NPHP1: variants seen among roughly 807,000 people sequenced by gnomAD.
NPHP1 encodes the protein nephrocystin-1.
Under a neutral mutation model 90.4 loss-of-function variants are expected in NPHP1, and 70 were observed. The observed-to-expected ratio is 0.77, with a 90% CI of 0.64 to 0.95. The LOEUF is 0.95. NPHP1 is among the 40% of genes least tolerant of loss of function. The pLI is 0.00. For synonymous variants in NPHP1, 256 were observed against 271.7 expected, an observed-to-expected ratio of 0.94 and a Z score of 0.57; for missense variants, 764 against 795.9, an observed-to-expected ratio of 0.96 and a Z score of 0.48.
rs1682881064 is a variant in NPHP1 at position 110,168,534 on chromosome 2, A to G, written c.542T>C (p.Val181Ala). ...LTFKKGEILLVIEKKPDGWWI... is the reference protein window; with the variant it reads ...LTFKKGEILLAIEKKPDGWWI... ...CCAACCATCAGGTTTTTTTTCAATT[A>G]CAAGGAGAATTTCCCCTTTCTTAAA... The change falls in exon 6 of 20, where the codon GTA becomes GCA. Residue 181 changes from valine to alanine, a missense_variant. Transcript: ENST00000445609. The G allele has an allele frequency of 6.2e-7, 1 of 1,611,438 alleles. No homozygotes were observed. Among genetic ancestry groups the G allele is most frequent in the Admixed American group, 1.7e-5 (1 of 59,982 alleles).
chr2:110,204,890 C>T lies in NPHP1; in HGVS notation c.69+10G>A. The stretch of plus-strand genomic sequence containing the variant: ...CCCGCCCCAGGGCCCTCTGCACAGC[C>T]TGACCATACCTGTTGCTTCAGCTCC... On this transcript the variant is annotated intron_variant, in intron 1 of 19. Transcript: ENST00000445609. The T allele has an allele frequency of 1.2e-6, 2 of 1,613,764 alleles. No homozygotes were observed. Among genetic ancestry groups the T allele is most frequent in the Non-Finnish European group, 1.7e-6 (2 of 1,179,838 alleles).
At chr2:110,189,545 C>A (rs918955388) in intron 2 of NPHP1, among the ~76,000 whole-genome samples, 2 of 152,076 alleles carry the variant, frequency 1.3e-5, no homozygotes, top group Admixed American at 1.3e-4. Context: ...TGAGCAGTAG[C>A]AAGATTTATT....
In NPHP1 at chr2:110,123,695, A is replaced by G. The variant is rs1679136457; in HGVS notation, c.*96T>C. The G allele has an allele frequency of 2.4e-6, 3 of 1,252,804 alleles. No individual in the cohort carries two copies. The highest frequency in any genetic ancestry group is 2.3e-6 in the Non-Finnish European group (2 of 859,600). 77.6% of individuals were successfully genotyped at this position (1,252,804 alleles called of 1,614,324 possible). On this transcript the variant is annotated 3_prime_UTR_variant, in exon 20 of 20. Coordinates refer to ENST00000445609, the MANE Select transcript of NPHP1 (RefSeq NM_001128178.3). The stretch of plus-strand genomic sequence containing the variant: ...AAGAAAAGAGTAAAACCTAAGTTGT[A>G]AAGTGACAGTGATTTTTGGTTCCAT...
chr2:110,128,902 C>G (rs919670991), intron 18 of NPHP1: 11 of 456,148 alleles, frequency 2.4e-5, no homozygotes, highest in Middle Eastern at 6.0e-4. Context: ...GATTTTTGCT[C>G]TTAGGACACA....
chr2:110,185,189 A>T, intron 2 of NPHP1: 1 of 547,342 alleles, frequency 1.8e-6, no homozygotes, highest in Non-Finnish European at 3.6e-6. Flanking sequence ...TAATGTTGGG[A>T]TATCATCTTC....
At chr2:110,162,323 A>G (rs1413576599) in intron 9 of NPHP1, among the ~76,000 whole-genome samples, 1 of 152,156 alleles carries the variant, frequency 6.6e-6, no homozygotes, top group Non-Finnish European at 1.5e-5. Flanking sequence ...GGGTGTTCAC[A>G]TGAATGGGAG....
rs201234092 is a variant in NPHP1, at chr2:110,129,154, A to G, written c.1716+32T>C. ...GAGTGTATAACTGCTTCCATAAGCC[A>G]GCAGGTTTCCATTGCAATGCATGCT... On this transcript the variant is annotated intron_variant, in intron 18 of 19. Transcript: ENST00000445609. The G allele has an allele frequency of 1.7e-3, 2,570 of 1,551,898 alleles. 8 individuals are homozygous for G. Among genetic ancestry groups the G allele is most frequent in the Non-Finnish European group, 2.1e-3 (2,392 of 1,125,190 alleles).
intron 2 of NPHP1, among the ~76,000 whole-genome samples, chr2:110,197,849 G>A (rs944623153): frequency 2.6e-5 from 4 of 152,018 alleles, no homozygotes; most frequent in East Asian, 3.8e-4. Flanking sequence ...CAGAAATTTC[G>A]CTTAAAGCCC....
chr2:110,140,292 G>A (rs796436644), intron 16 of NPHP1, among the ~76,000 whole-genome samples: 27 of 152,264 alleles, frequency 1.8e-4, no homozygotes, highest in African/African-American at 6.3e-4. Context: ...GTCCTGAGGA[G>A]TATATTTTCA....
At chr2:110,184,807 T>C (rs1035221498) in intron 2 of NPHP1, 6 of 707,438 alleles carry the variant, frequency 8.5e-6, no homozygotes, top group African/African-American at 6.9e-5. Context: ...ACTACCTGCC[T>C]GATGGCAGCA....
chr2:110,178,614 C>T (rs1683675759), intron 3 of NPHP1, 67 bp from the exon 4 acceptor site: 2 of 1,468,528 alleles, frequency 1.4e-6, no homozygotes, highest in African/African-American at 1.4e-5. Flanking sequence ...AAAAGAACAA[C>T]AAAAAATTCC....
intron 10 of NPHP1, among the ~76,000 whole-genome samples, chr2:110,160,787 G>A (rs1682253038): frequency 1.3e-5 from 2 of 152,068 alleles, no homozygotes; most frequent in Non-Finnish European, 2.9e-5. Context: ...AAATAAATTG[G>A]CATTCTGATT....
At chr2:110,165,209 A>G in intron 6 of NPHP1, 54 bp from the exon 7 acceptor site, 1 of 1,365,728 alleles carries the variant, frequency 7.3e-7, no homozygotes, top group African/African-American at 1.4e-5. Context: ...AAAACAACCA[A>G]TAAAAATACC....
chr2:110,186,194 C>G (rs1574177315), intron 2 of NPHP1, among the ~76,000 whole-genome samples: 2 of 152,192 alleles, frequency 1.3e-5, no homozygotes, highest in Non-Finnish European at 2.9e-5. Context: ...CTCCCTCTTT[C>G]TCTTGCTCAC....
chr2:110,161,729 C>T (rs753180812), intron 9 of NPHP1, 32 bp from the exon 10 acceptor site: 2 of 1,501,006 alleles, frequency 1.3e-6, no homozygotes, highest in Non-Finnish European at 1.9e-6. Flanking sequence ...CATTTTCTTA[C>T]AAAGAAAGAA....
intron 11 of NPHP1, among the ~76,000 whole-genome samples, chr2:110,156,177 A>G (rs1681875822): frequency 6.6e-6 from 1 of 151,460 alleles, no homozygotes; most frequent in Admixed American, 6.6e-5. Context: ...GTCCCGGTTC[A>G]AGCAATTCTC....
intron 11 of NPHP1, among the ~76,000 whole-genome samples, chr2:110,158,454 T>C (rs1237645784): frequency 6.6e-6 from 1 of 152,096 alleles, no homozygotes; most frequent in Non-Finnish European, 1.5e-5. Context: ...GGTTTCTCTT[T>C]TCAGTTCTAA....
At chr2:110,199,352 T>C (rs1685407641) in intron 2 of NPHP1, among the ~76,000 whole-genome samples, 1 of 151,736 alleles carries the variant, frequency 6.6e-6, no homozygotes, top group Non-Finnish European at 1.5e-5. Flanking sequence ...GAGAATCGCT[T>C]GAACCCAGGA....
rs79655857 is a variant in NPHP1 at position 110,184,905 on chromosome 2, A to G, written c.144-5221T>C. 2,797 of 690,984 alleles carry G rather than the reference A, an allele frequency of 4.0e-3. 62 individuals are homozygous for G. The African/African-American group carries it at 0.042, about 10-fold the overall frequency. 42.8% of individuals were successfully genotyped at this position (690,984 alleles called of 1,614,324 possible). A position where few individuals can be genotyped will look rare whatever the true frequency, so the allele number is the denominator to read the frequency against. On this transcript the variant is annotated intron_variant, in intron 2 of 19. Transcript: ENST00000445609. Reference sequence around the variant, plus strand: ...AGGGAGGAGAGTGAAGGCATCCACAAGGTCCTGGTGTTCGCCATCCAGAAG... The same window carrying G: ...AGGGAGGAGAGTGAAGGCATCCACAGGGTCCTGGTGTTCGCCATCCAGAAG...
Sources: allele counts gnomAD v4.1 joint callset (sites outside exome capture counted in the v4.1 genomes callset), GRCh38; gene constraint gnomAD v4.1.1; transcripts MANE v1.5; gene names NCBI Gene and HGNC (gene_info 2026-07-23, HGNC 2026-07-21).